The following PCDH15 variants were observed in gnomAD, a reference collection of about 807,000 sequenced individuals.
PCDH15 encodes the protein protocadherin related 15.
Under a neutral mutation model 178.5 loss-of-function variants are expected in PCDH15, and 129 were observed. The ratio of observed to expected loss-of-function variants is 0.72; its 90% CI spans 0.63 to 0.84. The LOEUF (loss-of-function observed/expected upper bound fraction) is 0.84. Ranked by LOEUF, PCDH15 falls within the 40% of genes least tolerant of loss-of-function variation. PCDH15 has a pLI of 0.00. For synonymous variants in PCDH15, 800 were observed against 732.0 expected (o/e 1.09, Z -1.50); for missense variants, 2,230 against 2,099.9 (o/e 1.06, Z -1.21).
intron 13 of PCDH15, among the ~76,000 whole-genome samples, chr10:54,181,439 C>G (rs1018522572): frequency 6.6e-6 from 1 of 151,834 alleles, no homozygotes; most frequent in African/African-American, 2.4e-5. Flanking sequence ...AAGTTTATTA[C>G]CTGGGTATAT....
chr10:54,116,225 G>A (rs2095109969), intron 15 of PCDH15, among the ~76,000 whole-genome samples: 1 of 129,420 alleles, frequency 7.7e-6, no homozygotes, highest in Non-Finnish European at 1.6e-5. Context: ...AATGGAATGG[G>A]CACTGAAAAT....
At chr10:55,013,083 G>C (rs569632503) in intron 2 of PCDH15, among the ~76,000 whole-genome samples, 2 of 152,156 alleles carry the variant, frequency 1.3e-5, no homozygotes, top group South Asian at 4.1e-4. Flanking sequence ...TGAAACATAG[G>C]AATCATATTT....
intron 2 of PCDH15, among the ~76,000 whole-genome samples, chr10:55,460,055 T>G (rs1589046973): frequency 6.6e-6 from 1 of 151,738 alleles, no homozygotes; most frequent in Middle Eastern, 3.4e-3. Flanking sequence ...AGAACAAAAG[T>G]GATTGTGGAA....
intron 2 of PCDH15, among the ~76,000 whole-genome samples, chr10:55,015,101 G>A (rs1023560152): frequency 1.2e-4 from 19 of 152,028 alleles, no homozygotes; most frequent in Admixed American, 4.6e-4. Context: ...TGTGCATGTA[G>A]TCCCAGCTGC....
intron 2 of PCDH15, among the ~76,000 whole-genome samples, chr10:55,375,552 T>C (rs1837376093): frequency 6.6e-6 from 1 of 152,156 alleles, no homozygotes; most frequent in South Asian, 2.1e-4. Flanking sequence ...CATCTTTAAA[T>C]GCTATGGGGA....
intron 2 of PCDH15, among the ~76,000 whole-genome samples, chr10:55,359,782 A>G: frequency 6.7e-6 from 1 of 149,834 alleles, no homozygotes. Context: ...ATATATATAT[A>G]TAAACAATGA....
intron 2 of PCDH15, among the ~76,000 whole-genome samples, chr10:55,405,283 G>GAGATATATATATATATATATATAT (rs1838169475): frequency 9.3e-6 from 1 of 108,086 alleles, no homozygotes; most frequent in South Asian, 2.9e-4. Context: ...TGAGGTAACA[G>GAGATATATATATATATATATATAT]ATATATATAT....
intron 3 of PCDH15, among the ~76,000 whole-genome samples, chr10:54,866,376 G>A (rs1229344034): frequency 6.6e-6 from 1 of 152,058 alleles, no homozygotes; most frequent in East Asian, 1.9e-4. Flanking sequence ...GTCTACTGTA[G>A]GCATCTGGAA....
intron 9 of PCDH15, among the ~76,000 whole-genome samples, chr10:54,221,811 C>T (rs2052850040): frequency 6.6e-6 from 1 of 152,084 alleles, no homozygotes; most frequent in African/African-American, 2.4e-5. Flanking sequence ...CCATGTTGGC[C>T]AGGCTGGTTT....
chr10:54,103,347 G>A lies in PCDH15; in HGVS notation c.1918-13284C>T, dbSNP rs113961606. ...CTGCTTTGCCTCTGCTGTCCATTAT[G>A]GTAACTACACCCACCTTGCCTTTGA... On this transcript the variant is annotated intron_variant, in intron 15 of 37. Transcript: ENST00000644397. Among the ~76,000 whole-genome samples, 881 of 152,240 alleles carry A rather than the reference G, an allele frequency of 5.8e-3. 8 individuals carry two copies. The highest frequency in any genetic ancestry group is 0.01 in the Non-Finnish European group (697 of 68,012).
intron 2 of PCDH15, among the ~76,000 whole-genome samples, chr10:55,045,747 T>G (rs916916056): frequency 6.6e-6 from 1 of 152,028 alleles, no homozygotes; most frequent in African/African-American, 2.4e-5. Flanking sequence ...GAACAGCTCA[T>G]GATAGAGCAT....
intron 3 of PCDH15, among the ~76,000 whole-genome samples, chr10:54,384,287 CCAAA>C (rs1443561397): frequency 6.6e-6 from 1 of 150,402 alleles, no homozygotes; most frequent in Admixed American, 6.7e-5. Context: ...CATTCCCTAA[CCAAA>C]CAATTAAATC....
chr10:53,809,698 C>T (rs2132377898), intron 37 of PCDH15, among the ~76,000 whole-genome samples: 1 of 152,272 alleles, frequency 6.6e-6, no homozygotes, highest in South Asian at 2.1e-4. Context: ...AAAATTTCTA[C>T]TGCATATAGA....
chr10:55,546,056 T>C (rs573279389), intron 2 of PCDH15, among the ~76,000 whole-genome samples: 4 of 152,146 alleles, frequency 2.6e-5, no homozygotes, highest in Non-Finnish European at 4.4e-5. Flanking sequence ...TGAATAATTA[T>C]TTTTAATTCT....
intron 2 of PCDH15, among the ~76,000 whole-genome samples, chr10:55,061,986 C>T (rs1312482120): frequency 1.3e-5 from 2 of 152,180 alleles, no homozygotes; most frequent in Non-Finnish European, 2.9e-5. Flanking sequence ...TGCCACTGCA[C>T]TCCAGCCTGG....
chr10:53,842,473 C>T (rs1258825444), intron 28 of PCDH15, among the ~76,000 whole-genome samples: 1 of 152,102 alleles, frequency 6.6e-6, no homozygotes, highest in Non-Finnish European at 1.5e-5. Context: ...TCTCAAATTC[C>T]TGACCTCAAG....
At chr10:55,083,316 A>G (rs1313439518) in intron 2 of PCDH15, among the ~76,000 whole-genome samples, 2 of 152,014 alleles carry the variant, frequency 1.3e-5, no homozygotes, top group Non-Finnish European at 2.9e-5. Context: ...TGATCATTTC[A>G]ATTGATGCTG....
rs77241574 is a variant in PCDH15, at chr10:54,631,616, A to T, written c.91+32556T>A. 4.2e-4 allele frequency among the ~76,000 whole-genome samples: 64 copies of T among 152,276 alleles called. No homozygotes were observed. The East Asian group carries it at 0.012, about 28-fold the overall frequency. On this transcript the variant is annotated intron_variant, in intron 2 of 37. Coordinates refer to ENST00000644397, the MANE Select transcript of PCDH15 (RefSeq NM_001384140.1). ...GACACATTACTTTGTGTGTTCCATC[A>T]TAGCACTATGCACAAAAGCCAAGTG...
Position 54,782,603 on chromosome 10 carries a change from G to A in PCDH15, c.-29+18322C>T, listed in dbSNP as rs1591609342. On this transcript the variant is annotated intron_variant, in intron 1 of 37. Coordinates refer to ENST00000644397, the MANE Select transcript of PCDH15 (RefSeq NM_001384140.1). The stretch of plus-strand genomic sequence containing the variant: ...TCTCTCCCTTCAGGCTGATTTTTTT[G>A]CTAATATCTTTGGTGCTGAGATAAT... Among the ~76,000 whole-genome samples, 10 of 151,874 alleles carry A rather than the reference G, an allele frequency of 6.6e-5. No homozygotes were observed. The South Asian group carries it at 2.1e-3, about 32-fold the overall frequency.
Sources: allele counts gnomAD v4.1 joint callset (sites outside exome capture counted in the v4.1 genomes callset), GRCh38; gene constraint gnomAD v4.1.1; transcripts MANE v1.5; gene names NCBI Gene and HGNC (gene_info 2026-07-23, HGNC 2026-07-21).